The following CDH13 variants were observed in gnomAD, a reference collection of about 807,000 sequenced individuals.
CDH13 encodes cadherin 13.
CDH13 carries 24 observed loss-of-function variants against 63.8 expected under a neutral mutation model. The observed-to-expected ratio is 0.38, with a 90% CI of 0.27 to 0.53. The LOEUF (loss-of-function observed/expected upper bound fraction) is 0.53, where lower values mean the gene tolerates loss of function less well. Among genes scored for constraint, CDH13 ranks in the 20% least tolerant of loss-of-function variants. The pLI is 0.85. For missense variants in CDH13, 1,049 were observed against 903.1 expected, an observed-to-expected ratio of 1.16 and a Z score of -2.07; for synonymous variants, 503 against 355.3, an observed-to-expected ratio of 1.42 and a Z score of -4.67.
At position 82,897,734 on chromosome 16, in the gene CDH13, G is replaced by C. The variant is rs552239633; in HGVS notation, c.157+39261G>C. Among the ~76,000 whole-genome samples the C allele has an allele frequency of 3.3e-5, 5 of 152,376 alleles. No individual in the cohort carries two copies. In the South Asian group the frequency reaches 1.0e-3, roughly 32 times the overall value. ...AAGACGTGGAGAAATACTCTGCCCT[G>C]CTGAGTAGAGTCCTGAAACTGCAAG... On this transcript the variant is annotated intron_variant, in intron 2 of 13. Coordinates refer to ENST00000567109, the MANE Select transcript of CDH13 (RefSeq NM_001257.5).
chr16:82,730,140 A>C (rs1174526319), intron 1 of CDH13, among the ~76,000 whole-genome samples: 1 of 152,148 alleles, frequency 6.6e-6, no homozygotes, highest in African/African-American at 2.4e-5. Flanking sequence ...ATATCATTTG[A>C]GTTTTCACTG....
chr16:82,932,114 T>A (rs1006341321), intron 2 of CDH13, among the ~76,000 whole-genome samples: 1 of 152,156 alleles, frequency 6.6e-6, no homozygotes, highest in Non-Finnish European at 1.5e-5. Context: ...GCTGAAGGAA[T>A]CACTCACAGA....
chr16:83,492,047 C>T (rs903996669), intron 7 of CDH13, among the ~76,000 whole-genome samples: 9 of 152,074 alleles, frequency 5.9e-5, no homozygotes, highest in African/African-American at 2.2e-4. Flanking sequence ...GCCATCTAGC[C>T]AACGAATTTG....
At chr16:83,672,405 T>C (rs1479128606) in intron 9 of CDH13, among the ~76,000 whole-genome samples, 2 of 130,428 alleles carry the variant, frequency 1.5e-5, no homozygotes, top group Non-Finnish European at 3.2e-5. Flanking sequence ...GCTCTCTGGA[T>C]TCTCTTTTTT....
At chr16:83,054,133 A>T (rs188188334) in intron 3 of CDH13, among the ~76,000 whole-genome samples, 1 of 152,226 alleles carries the variant, frequency 6.6e-6, no homozygotes, top group Non-Finnish European at 1.5e-5. Flanking sequence ...GTAGTAAGCT[A>T]TACCATCTAG....
chr16:82,644,657 G>C lies in CDH13; in HGVS notation c.45+17520G>C, dbSNP rs886563101. ...GTAAAAGCAACCACGCTTTGGGCTG[G>C]GGCAGAAGTCAGGACTTGAACTGGC... On this transcript the variant is annotated intron_variant, in intron 1 of 13. Coordinates refer to ENST00000567109, the MANE Select transcript of CDH13 (RefSeq NM_001257.5). The surrounding 1 kb of genome is among the most constrained non-coding windows in gnomAD (Gnocchi z 5.7). Among the ~76,000 whole-genome samples the C allele has an allele frequency of 5.9e-5, 9 of 152,120 alleles. No homozygotes were observed. The highest frequency in any genetic ancestry group is 2.2e-4 in the African/African-American group (9 of 41,416).
intron 2 of CDH13, among the ~76,000 whole-genome samples, chr16:82,921,511 C>G (rs2042153301): frequency 6.6e-6 from 1 of 152,188 alleles, no homozygotes; most frequent in Non-Finnish European, 1.5e-5. Context: ...TCTCCCCATC[C>G]TAAAATATTT....
intron 5 of CDH13, among the ~76,000 whole-genome samples, chr16:83,334,436 A>G (rs572542417): frequency 6.7e-5 from 10 of 148,848 alleles, no homozygotes; most frequent in Admixed American, 6.7e-4. Flanking sequence ...CAGTTGCACA[A>G]TCACAGCTCC....
intron 5 of CDH13, among the ~76,000 whole-genome samples, chr16:83,252,093 G>GTA (rs151167605): frequency 0.2 from 15,162 of 74,160 alleles, 896 homozygotes; most frequent in Non-Finnish European, 0.23. Context: ...ATGTATATAT[G>GTA]TATATATATA....
chr16:82,721,674 A>C (rs1471777222), intron 1 of CDH13, among the ~76,000 whole-genome samples: 2 of 152,138 alleles, frequency 1.3e-5, no homozygotes, highest in Non-Finnish European at 2.9e-5. Context: ...TTTGACAGAG[A>C]GAACTTGTGC....
chr16:83,157,989 C>G (rs1177395627), intron 4 of CDH13, among the ~76,000 whole-genome samples: 2 of 152,082 alleles, frequency 1.3e-5, no homozygotes, highest in Admixed American at 1.3e-4. Flanking sequence ...GAAAAGAGCA[C>G]TAGCAGCCCC....
intron 3 of CDH13, among the ~76,000 whole-genome samples, chr16:83,112,755 A>T (rs1226770414): frequency 6.6e-6 from 1 of 152,170 alleles, no homozygotes; most frequent in Admixed American, 6.5e-5. Context: ...TTTTTCAGTA[A>T]AATATCTGTA....
intron 7 of CDH13, among the ~76,000 whole-genome samples, chr16:83,490,649 C>T (rs1406033012): frequency 6.6e-6 from 1 of 152,164 alleles, no homozygotes; most frequent in African/African-American, 2.4e-5. Context: ...TGCCCATGAC[C>T]TATTGCCAGT....
At chr16:83,634,417 T>C (rs78510875) in intron 8 of CDH13, among the ~76,000 whole-genome samples, 1 of 151,838 alleles carries the variant, frequency 6.6e-6, no homozygotes, top group Non-Finnish European at 1.5e-5. Context: ...TTTTTTTTTT[T>C]TGAGACGGAG....
At chr16:82,702,410 G>T (rs375094639) in intron 1 of CDH13, among the ~76,000 whole-genome samples, 4 of 152,106 alleles carry the variant, frequency 2.6e-5, no homozygotes, top group Admixed American at 6.6e-5. Flanking sequence ...GTGACAGCAG[G>T]GCCCCTGTCT....
intron 11 of CDH13, among the ~76,000 whole-genome samples, chr16:83,750,033 C>T (rs908082988): frequency 6.6e-6 from 1 of 152,172 alleles, no homozygotes; most frequent in Non-Finnish European, 1.5e-5. Context: ...CACGGTGGCT[C>T]ATGCCTGTAG....
intron 7 of CDH13, among the ~76,000 whole-genome samples, chr16:83,554,836 ATT>A (rs1403502816): frequency 5.3e-5 from 8 of 151,390 alleles, no homozygotes; most frequent in African/African-American, 1.9e-4. Flanking sequence ...CTTCAAAAAC[ATT>A]TGTCTTTCTT....
intron 1 of CDH13, among the ~76,000 whole-genome samples, chr16:82,778,456 G>C (rs1437730624): frequency 6.7e-6 from 1 of 149,748 alleles, no homozygotes; most frequent in Non-Finnish European, 1.5e-5. Context: ...AATAAGTGTT[G>C]ACCTTTGAAG....
chr16:83,387,243 C>T (rs1304832524), intron 6 of CDH13, among the ~76,000 whole-genome samples: 1 of 152,128 alleles, frequency 6.6e-6, no homozygotes, highest in Non-Finnish European at 1.5e-5. Flanking sequence ...TTTGATCCTC[C>T]CTAGCATTCC....
Sources: allele counts gnomAD v4.1 joint callset (sites outside exome capture counted in the v4.1 genomes callset), GRCh38; gene constraint gnomAD v4.1.1; non-coding constraint Gnocchi (gnomAD v3.1); transcripts MANE v1.5; gene names NCBI Gene and HGNC (gene_info 2026-07-23, HGNC 2026-07-21).